The following BRMS1L variants were observed in gnomAD, a reference collection of about 807,000 sequenced individuals.
BRMS1L encodes breast cancer metastasis-suppressor 1-like protein.
A neutral mutation model predicts 50.3 loss-of-function variants in BRMS1L; 23 were observed. The observed-to-expected ratio is 0.46, with a 90% CI of 0.33 to 0.65. BRMS1L has a LOEUF of 0.65. Ranked by LOEUF, BRMS1L falls within the 30% of genes least tolerant of loss-of-function variation. BRMS1L has a pLI of 0.02. For missense variants in BRMS1L, 286 were observed against 386.1 expected, an observed-to-expected ratio of 0.74 and a Z score of 2.17; for synonymous variants, 114 against 126.9, an observed-to-expected ratio of 0.90 and a Z score of 0.69.
chr14:35,847,387 A>G (rs2078149493), intron 4 of BRMS1L, among the ~76,000 whole-genome samples: 1 of 152,126 alleles, frequency 6.6e-6, no homozygotes, highest in South Asian at 2.1e-4. Context: ...CTGAAGCCAC[A>G]AACTCGAGCT....
intron 4 of BRMS1L, among the ~76,000 whole-genome samples, chr14:35,842,590 C>G (rs769718422): frequency 6.6e-6 from 1 of 152,186 alleles, no homozygotes; most frequent in Non-Finnish European, 1.5e-5. Context: ...TCTGACCTTT[C>G]TCTCTGGCTG....
intron 3 of BRMS1L, 70 bp from the exon 4 acceptor site, chr14:35,834,774 A>G: frequency 9.0e-7 from 1 of 1,111,858 alleles, no homozygotes; most frequent in Non-Finnish European, 1.2e-6. Context: ...TGAGGACAGA[A>G]TTCCTGTAGG....
chr14:35,836,228 A>C (rs1050176958), intron 4 of BRMS1L, among the ~76,000 whole-genome samples: 1 of 152,186 alleles, frequency 6.6e-6, no homozygotes, highest in Non-Finnish European at 1.5e-5. Context: ...ATGCTTTGCA[A>C]ATCTTTTTGC....
Position 35,853,289 on chromosome 14 carries a change from A to G in BRMS1L, c.442-9301A>G, listed in dbSNP as rs145364149. 8.0e-3 allele frequency among the ~76,000 whole-genome samples: 1,220 copies of G among 152,022 alleles called. 20 individuals carry two copies. Among genetic ancestry groups the G allele is most frequent in the Non-Finnish European group, 8.8e-3 (597 of 67,988 alleles). ...TTTATGTTATCACTTTTTAAATAGC[A>G]TATATCTTGATGATTTTTTAAAAAT... is the stretch of plus-strand genomic sequence containing the variant. On this transcript the variant is annotated intron_variant, in intron 4 of 9. Coordinates refer to ENST00000216807, the MANE Select transcript of BRMS1L (RefSeq NM_032352.4).
chr14:35,855,292 A>G (rs533333547), intron 4 of BRMS1L, among the ~76,000 whole-genome samples: 2 of 152,132 alleles, frequency 1.3e-5, no homozygotes, highest in South Asian at 4.1e-4. Context: ...GGGTCTTGCT[A>G]TGTTGCCCAG....
intron 4 of BRMS1L, among the ~76,000 whole-genome samples, chr14:35,855,315 T>C (rs908661315): frequency 2.6e-5 from 4 of 152,180 alleles, no homozygotes; most frequent in Admixed American, 2.0e-4. Flanking sequence ...TGGTCTTGAA[T>C]TCCTGTTCTT....
intron 4 of BRMS1L, among the ~76,000 whole-genome samples, chr14:35,835,984 C>T (rs960392210): frequency 3.3e-5 from 5 of 152,188 alleles, no homozygotes; most frequent in South Asian, 2.1e-4. Context: ...TCTTCTGTCA[C>T]TTTAATGTGC....
chr14:35,860,928 T>G (rs1478386295), intron 4 of BRMS1L, among the ~76,000 whole-genome samples: 1 of 152,192 alleles, frequency 6.6e-6, no homozygotes, highest in Non-Finnish European at 1.5e-5. Context: ...TGAGTAGTAT[T>G]TTTTTAAAAA....
At chr14:35,856,985 A>G (rs1316190970) in intron 4 of BRMS1L, among the ~76,000 whole-genome samples, 13 of 152,070 alleles carry the variant, frequency 8.5e-5, no homozygotes, top group Admixed American at 8.5e-4. Context: ...TTATGCCTGT[A>G]ATCCCAGCAC....
At chr14:35,833,228 AT>A in intron 3 of BRMS1L, 123 bp downstream of exon 3, 2 of 1,031,068 alleles carry the variant, frequency 1.9e-6, no homozygotes, top group Non-Finnish European at 1.3e-6. Context: ...CGACCAGAAT[AT>A]TTTACTTTTA....
chr14:35,853,662 A>G (rs558747942), intron 4 of BRMS1L, among the ~76,000 whole-genome samples: 3 of 152,172 alleles, frequency 2.0e-5, no homozygotes, highest in Non-Finnish European at 4.4e-5. Flanking sequence ...CCTGGGCTCA[A>G]GTGATCCTCC....
intron 4 of BRMS1L, among the ~76,000 whole-genome samples, chr14:35,858,909 T>C (rs112914345): frequency 0.03 from 4,608 of 152,132 alleles, 186 homozygotes; most frequent in African/African-American, 0.088. Context: ...CTGCCAGATT[T>C]TGTTCACTAG....
intron 1 of BRMS1L, among the ~76,000 whole-genome samples, chr14:35,827,475 G>A (rs1164351800): frequency 6.6e-6 from 1 of 152,158 alleles, no homozygotes; most frequent in African/African-American, 2.4e-5. Context: ...GTCTTGGCCT[G>A]ATTTTGGTCA....
chr14:35,849,241 G>T (rs1364567339), intron 4 of BRMS1L, among the ~76,000 whole-genome samples: 3 of 152,076 alleles, frequency 2.0e-5, no homozygotes, highest in Non-Finnish European at 4.4e-5. Context: ...GTGAACAAGG[G>T]CTCCTTTTTC....
At chr14:35,833,219 G>A (rs975748695) in intron 3 of BRMS1L, 114 bp downstream of exon 3, 9 of 1,090,012 alleles carry the variant, frequency 8.3e-6, no homozygotes, top group South Asian at 2.0e-5. Flanking sequence ...TATTTACATC[G>A]ACCAGAATAT....
intron 4 of BRMS1L, among the ~76,000 whole-genome samples, chr14:35,851,730 G>A (rs1357940949): frequency 6.6e-6 from 1 of 152,198 alleles, no homozygotes; most frequent in Non-Finnish European, 1.5e-5. Flanking sequence ...AGCCATTTTG[G>A]AAAACAGTAT....
chr14:35,837,973 A>G lies in BRMS1L; in HGVS notation c.441+3050A>G, dbSNP rs187669751. Among the ~76,000 whole-genome samples, 16 of 152,314 alleles carry G rather than the reference A, an allele frequency of 1.1e-4. No individual in the cohort carries two copies. In the East Asian group the frequency reaches 2.3e-3, roughly 22 times the overall value. On this transcript the variant is annotated intron_variant, in intron 4 of 9. Transcript: ENST00000216807. ...TGTGCCATGGTGGTTTGCTGCATCCATCAACCCATCATCTACATTAGGTAT... is the reference window on the plus strand; with the variant it reads ...TGTGCCATGGTGGTTTGCTGCATCCGTCAACCCATCATCTACATTAGGTAT...
chr14:35,867,878 A>G (rs372486545), intron 8 of BRMS1L, 28 bp from the exon 9 acceptor site: 23 of 1,547,430 alleles, frequency 1.5e-5, no homozygotes, highest in African/African-American at 5.6e-5. Context: ...TTTTATTAAT[A>G]TAACAGTTTT....
At chr14:35,867,826 T>C in intron 8 of BRMS1L, 80 bp from the exon 9 acceptor site, 4 of 1,347,046 alleles carry the variant, frequency 3.0e-6, no homozygotes, top group Non-Finnish European at 3.9e-6. Flanking sequence ...CATGGATTGA[T>C]GTTAATTGTT....
Sources: gnomAD v4.1 joint callset for allele counts (sites outside exome capture counted in the v4.1 genomes callset) on GRCh38, gnomAD v4.1.1 for gene constraint, MANE v1.5 for transcripts, NCBI Gene and HGNC (gene_info 2026-07-23, HGNC 2026-07-21) for gene names.